The following SLC45A4 variants were observed in gnomAD, a reference collection of about 807,000 sequenced individuals.
SLC45A4 encodes the protein solute carrier family 45 member 4, also known as polyamine-transporter SLC45A4.
In SLC45A4, 32 loss-of-function variants were observed where a neutral mutation model predicts 63.7. That is an observed-to-expected ratio of 0.50 (90% confidence interval 0.38 to 0.67). SLC45A4 has a LOEUF of 0.67. SLC45A4 is among the 30% of genes least tolerant of loss of function. The pLI, the probability that SLC45A4 is intolerant of heterozygous loss-of-function variation, is 0.00. For synonymous variants in SLC45A4, 535 were observed against 510.0 expected (o/e 1.05, Z -0.66); for missense variants, 1,027 against 1,157.7 (o/e 0.89, Z 1.64).
At chr8:141,298,877 C>G (rs10086136) in intron 1 of SLC45A4, among the ~76,000 whole-genome samples, 145,193 of 151,992 alleles carry the variant, frequency 0.96, 69,727 homozygotes, top group Middle Eastern at 1. Flanking sequence ...CATTTCTCCA[C>G]GCAGAAGACA....
At chr8:141,288,351 G>T (rs931705951) in intron 1 of SLC45A4, among the ~76,000 whole-genome samples, 2 of 152,152 alleles carry the variant, frequency 1.3e-5, no homozygotes, top group Non-Finnish European at 2.9e-5. Context: ...GGCACTTAGG[G>T]GTGTTCAAGC....
chr8:141,233,001 C>T (rs763350377), intron 2 of SLC45A4, among the ~76,000 whole-genome samples: 67 of 152,210 alleles, frequency 4.4e-4, no homozygotes, highest in Non-Finnish European at 6.3e-4. Context: ...CAGCGCTGAG[C>T]GGCACCTCTG....
At position 141,254,040 on chromosome 8, in the gene SLC45A4, A is replaced by G; in HGVS notation, c.190T>C (p.Phe64Leu). 6.5e-7 allele frequency: 1 copy of G among 1,535,988 alleles called. No homozygotes were observed. The highest frequency in any genetic ancestry group is 8.7e-7 in the Non-Finnish European group (1 of 1,146,888). The change falls in exon 2 of 9, where the codon TTC becomes CTC. Residue 64 changes from phenylalanine to leucine, a missense_variant. Phe to Leu is a conservative substitution (Grantham distance 22, BLOSUM62 0). Coordinates refer to ENST00000517878, the MANE Select transcript of SLC45A4 (RefSeq NM_001286646.2). This position sits in a 1 kb window ranked among gnomAD's most constrained non-coding sequence, Gnocchi z 4.5. ...AGAGCGGTTTCCATGGCGTAACAGA[A>G]CTCCCTGCCAAACATCACCGCCCCG... The part of the protein sequence containing the change: ...MHGAVMFGRE[F>L]CYAMETALVT...
At chr8:141,241,183 C>T (rs997788841) in intron 2 of SLC45A4, among the ~76,000 whole-genome samples, 8 of 152,242 alleles carry the variant, frequency 5.3e-5, no homozygotes, top group Non-Finnish European at 7.3e-5. Context: ...ACACACACAG[C>T]GTCACAAACG....
intron 2 of SLC45A4, among the ~76,000 whole-genome samples, chr8:141,251,245 T>A (rs1261690559): frequency 6.6e-6 from 1 of 152,146 alleles, no homozygotes; most frequent in African/African-American, 2.4e-5. Flanking sequence ...TAAAATTAAC[T>A]GCTACCCAAC....
intron 1 of SLC45A4, among the ~76,000 whole-genome samples, chr8:141,263,550 GA>G (rs1829129223): frequency 6.6e-6 from 1 of 151,422 alleles, no homozygotes; most frequent in Non-Finnish European, 1.5e-5. Context: ...GGTAGATCAC[GA>G]CGTCAGATCA....
intron 8 of SLC45A4, 139 bp from the exon 9 acceptor site, chr8:141,211,836 C>T: frequency 7.7e-7 from 1 of 1,306,372 alleles, no homozygotes; most frequent in South Asian, 2.5e-5. Flanking sequence ...CTTATTTTTT[C>T]TAAGTTGCTT....
At chr8:141,253,236 C>T (rs943871555) in intron 2 of SLC45A4, 10 of 147,164 alleles carry the variant, frequency 6.8e-5, no homozygotes, top group Admixed American at 2.9e-4. Context: ...TGTGAATTTC[C>T]GTGTTTTCAT....
Position 141,254,028 on chromosome 8 carries a change from T to C in SLC45A4, c.202A>G (p.Met68Val). 6.5e-7 allele frequency: 1 copy of C among 1,536,154 alleles called. No homozygotes were observed. The highest frequency in any genetic ancestry group is 8.7e-7 in the Non-Finnish European group (1 of 1,146,914). Residue 68 changes from methionine (M) to valine (V), a missense_variant, in exon 2 of 9, where the codon ATG (methionine) becomes GTG (valine). By Grantham distance (21) the Met-to-Val change is conservative. Coordinates refer to ENST00000517878, the MANE Select transcript of SLC45A4 (RefSeq NM_001286646.2). This position sits in a 1 kb window ranked among gnomAD's most constrained non-coding sequence, Gnocchi z 4.5. Reference protein sequence around the residue: ...VMFGREFCYAMETALVTPILL... With the variant: ...VMFGREFCYAVETALVTPILL... ...ATTGGTGTGACCAGAGCGGTTTCCATGGCGTAACAGAACTCCCTGCCAAAC... is the reference window on the plus strand; with the variant it reads ...ATTGGTGTGACCAGAGCGGTTTCCACGGCGTAACAGAACTCCCTGCCAAAC...
intron 2 of SLC45A4, among the ~76,000 whole-genome samples, chr8:141,241,720 G>C (rs1267175202): frequency 2.0e-5 from 3 of 152,136 alleles, no homozygotes; most frequent in Non-Finnish European, 4.4e-5. Context: ...GCCAGCCAGA[G>C]GTCTGGGCAC....
Position 141,218,802 on chromosome 8 carries a change from C to G in SLC45A4, c.838G>C (p.Val280Leu), listed in dbSNP as rs777556052. Residue 280 changes from valine (V) to leucine (L), a missense_variant, in exon 5 of 9, where the codon GTC becomes CTC. Coordinates refer to ENST00000517878, the MANE Select transcript of SLC45A4 (RefSeq NM_001286646.2). ...GALDGGEPHG[V>L]PAFPDEVQSE... ...TGTACCTCGTCTGGGAAGGCAGGGA[C>G]GCCGTGCGGCTCGCCCCCATCCAGG... is the stretch of plus-strand genomic sequence containing the variant. 15 of 1,613,146 alleles carry G rather than the reference C, an allele frequency of 9.3e-6. No homozygotes were observed. The highest frequency in any genetic ancestry group is 2.7e-5 in the African/African-American group (2 of 75,058).
At chr8:141,249,110 A>G (rs1828351094) in intron 2 of SLC45A4, among the ~76,000 whole-genome samples, 1 of 152,160 alleles carries the variant, frequency 6.6e-6, no homozygotes, top group Admixed American at 6.6e-5. Flanking sequence ...AAGGACTGAC[A>G]ACACTAAACA....
intron 1 of SLC45A4, among the ~76,000 whole-genome samples, chr8:141,297,698 G>C (rs1300948680): frequency 2.6e-5 from 4 of 152,216 alleles, no homozygotes; most frequent in African/African-American, 9.6e-5. Context: ...GCCTGCACCT[G>C]TGGACTTTCC....
chr8:141,214,698 G>A (rs1826032596), intron 7 of SLC45A4, among the ~76,000 whole-genome samples: 1 of 152,236 alleles, frequency 6.6e-6, no homozygotes, highest in Non-Finnish European at 1.5e-5. Context: ...TACAAAACTA[G>A]TGAGAGACAG....
At chr8:141,287,839 A>T (rs773070325) in intron 1 of SLC45A4, among the ~76,000 whole-genome samples, 9 of 152,204 alleles carry the variant, frequency 5.9e-5, no homozygotes, top group Non-Finnish European at 1.0e-4. Context: ...CCCAGGGCAC[A>T]GTCCACAGGG....
At chr8:141,279,170 G>A (rs969023585) in intron 1 of SLC45A4, among the ~76,000 whole-genome samples, 4 of 152,226 alleles carry the variant, frequency 2.6e-5, no homozygotes, top group Non-Finnish European at 5.9e-5. Context: ...AGGAAGGGCC[G>A]ATGCTCGTGG....
chr8:141,214,342 G>C (rs1826011428), intron 7 of SLC45A4, among the ~76,000 whole-genome samples: 1 of 152,194 alleles, frequency 6.6e-6, no homozygotes, highest in Non-Finnish European at 1.5e-5. Context: ...CAGGTACGAA[G>C]GATCAGGAAG....
At chr8:141,237,883 G>A (rs1051766254) in intron 2 of SLC45A4, among the ~76,000 whole-genome samples, 1 of 152,218 alleles carries the variant, frequency 6.6e-6, no homozygotes, top group African/African-American at 2.4e-5. Context: ...AGTACTTGAC[G>A]AAAGAATAAC....
chr8:141,288,688 C>T (rs1457776719), intron 1 of SLC45A4, among the ~76,000 whole-genome samples: 2 of 152,256 alleles, frequency 1.3e-5, no homozygotes, highest in African/African-American at 2.4e-5. Flanking sequence ...AGCGGGGTCA[C>T]ACTGCCTGAG....
Sources: gnomAD v4.1 joint callset for allele counts (sites outside exome capture counted in the v4.1 genomes callset) on GRCh38, gnomAD v4.1.1 for gene constraint, Gnocchi (gnomAD v3.1) non-coding constraint, MANE v1.5 for transcripts, NCBI Gene and HGNC (gene_info 2026-07-23, HGNC 2026-07-21) for gene names.